ERBB4: variants seen among roughly 807,000 people sequenced by gnomAD.
ERBB4 encodes the protein receptor tyrosine-protein kinase erbB-4.
In ERBB4, 42 loss-of-function variants were observed where a neutral mutation model predicts 158.0. The ratio of observed to expected loss-of-function variants is 0.27; its 90% CI spans 0.21 to 0.34. The LOEUF (loss-of-function observed/expected upper bound fraction) is 0.34, where lower values mean the gene tolerates loss of function less well. Among genes scored for constraint, ERBB4 ranks in the 10% least tolerant of loss-of-function variants. The probability of loss-of-function intolerance (pLI) is 1.00; values close to 1 mark genes in which losing one functional copy is unlikely to be tolerated. For missense variants in ERBB4, 1,333 were observed against 1,624.1 expected, an observed-to-expected ratio of 0.82 and a Z score of 3.08; for synonymous variants, 583 against 558.7, an observed-to-expected ratio of 1.04 and a Z score of -0.61.
At chr2:211,598,888 G>A (rs878959939) in intron 19 of ERBB4, among the ~76,000 whole-genome samples, 5 of 152,020 alleles carry the variant, frequency 3.3e-5, no homozygotes, top group Admixed American at 1.3e-4. Flanking sequence ...TTTGAGTAAC[G>A]TCACTTGGCA....
intron 20 of ERBB4, among the ~76,000 whole-genome samples, chr2:211,447,362 T>C (rs2064137302): frequency 6.6e-6 from 1 of 151,968 alleles, no homozygotes; most frequent in Admixed American, 6.6e-5. Flanking sequence ...TGTCATTAAG[T>C]CCTACTGTTT....
intron 3 of ERBB4, among the ~76,000 whole-genome samples, chr2:211,887,867 T>C (rs532815865): frequency 6.6e-4 from 100 of 152,340 alleles, no homozygotes; most frequent in African/African-American, 2.1e-3. Context: ...TTCAACCACC[T>C]GGCACATTAT....
chr2:212,449,154 T>C (rs899857848), intron 1 of ERBB4, among the ~76,000 whole-genome samples: 1 of 152,186 alleles, frequency 6.6e-6, no homozygotes, highest in South Asian at 2.1e-4. Context: ...TTCTTCTTTA[T>C]CATGGAATAG....
At chr2:212,407,031 G>C (rs72933177) in intron 1 of ERBB4, among the ~76,000 whole-genome samples, 2,907 of 152,046 alleles carry the variant, frequency 0.019, 49 homozygotes, top group Non-Finnish European at 0.03. Context: ...TCTTCATTTG[G>C]AAGCCTTTCC....
chr2:211,878,018 G>A (rs1216046071), intron 3 of ERBB4, among the ~76,000 whole-genome samples: 1 of 152,204 alleles, frequency 6.6e-6, no homozygotes, highest in Non-Finnish European at 1.5e-5. Flanking sequence ...TGAGGAAGCA[G>A]AATATCTTGA....
Position 211,832,418 on chromosome 2 carries a change from T to TAA in ERBB4, c.422-44261_422-44260dup, listed in dbSNP as rs1193350339. Among the ~76,000 whole-genome samples the TAA allele has an allele frequency of 7.2e-5, 11 of 152,218 alleles. No individual in the cohort carries two copies. In the South Asian group the frequency reaches 2.3e-3, roughly 32 times the overall value. ...TTTTCTCTTTAAGAACTGTCACAAA[T>TAA]AAAATGATTCTATTTATGTATTAGC... On this transcript the variant is annotated intron_variant, in intron 3 of 27. Transcript: ENST00000342788.
In ERBB4 at chr2:211,381,257, A is replaced by G. The variant is rs776346008; in HGVS notation, c.*2358T>C. The G allele has an allele frequency of 1.3e-5, 3 of 232,070 alleles. No homozygotes were observed. The highest frequency in any genetic ancestry group is 6.1e-5 in the East Asian group (1 of 16,436). The allele number at this position is 232,070 out of a possible 1,614,324, so 14.4% of individuals were successfully genotyped here. ...ATAGCTTAGAAAAAAACCAACTCCA[A>G]TGTCTCCAATATTCTTGGCCAAGGA... On this transcript the variant is annotated 3_prime_UTR_variant, in exon 28 of 28. Coordinates refer to ENST00000342788, the MANE Select transcript of ERBB4 (RefSeq NM_005235.3).
intron 1 of ERBB4, among the ~76,000 whole-genome samples, chr2:212,439,157 G>T (rs1014131249): frequency 1.3e-5 from 2 of 152,078 alleles, no homozygotes; most frequent in African/African-American, 4.8e-5. Flanking sequence ...GTGTGTACAA[G>T]TCCTTGCTGA....
intron 1 of ERBB4, among the ~76,000 whole-genome samples, chr2:212,343,176 C>T (rs559214689): frequency 3.7e-4 from 57 of 152,186 alleles, no homozygotes; most frequent in East Asian, 9.6e-4. Context: ...TTCCTTGACC[C>T]GCTGCTTAGG....
At chr2:211,913,619 A>ATGTG (rs34762084) in intron 3 of ERBB4, among the ~76,000 whole-genome samples, 2,171 of 132,668 alleles carry the variant, frequency 0.016, 38 homozygotes, top group African/African-American at 0.049. Flanking sequence ...ATATATATAT[A>ATGTG]TGTGTGTGTG....
At chr2:211,939,729 C>T (rs923161278) in intron 3 of ERBB4, among the ~76,000 whole-genome samples, 2 of 152,020 alleles carry the variant, frequency 1.3e-5, no homozygotes, top group African/African-American at 2.4e-5. Flanking sequence ...GGGCGGATCA[C>T]GAGGTCAGGA....
chr2:211,468,359 T>G (rs1054948760), intron 20 of ERBB4, among the ~76,000 whole-genome samples: 3 of 152,120 alleles, frequency 2.0e-5, no homozygotes, highest in Non-Finnish European at 2.9e-5. Context: ...TGTGCCTTTA[T>G]GAAAGGGAAA....
At chr2:212,454,794 G>A (rs1384777092) in intron 1 of ERBB4, among the ~76,000 whole-genome samples, 1 of 152,002 alleles carries the variant, frequency 6.6e-6, no homozygotes, top group Non-Finnish European at 1.5e-5. Context: ...TTCACTCTAG[G>A]TCTGTTTCCA....
chr2:211,441,854 C>G (rs1357527374), intron 20 of ERBB4, among the ~76,000 whole-genome samples: 1 of 152,132 alleles, frequency 6.6e-6, no homozygotes, highest in African/African-American at 2.4e-5. Flanking sequence ...AACAAACAGT[C>G]TCCTTAAAAA....
At chr2:212,181,165 T>G (rs1467340568) in intron 1 of ERBB4, among the ~76,000 whole-genome samples, 5 of 151,714 alleles carry the variant, frequency 3.3e-5, no homozygotes, top group African/African-American at 1.2e-4. Flanking sequence ...CACCTGCCTT[T>G]GACCACTCTT....
chr2:212,057,294 C>T (rs1480988680), intron 2 of ERBB4, among the ~76,000 whole-genome samples: 1 of 152,142 alleles, frequency 6.6e-6, no homozygotes, highest in Non-Finnish European at 1.5e-5. Context: ...TCCTTACAGA[C>T]CTAGAAACAG....
At chr2:212,369,622 C>A (rs2888090) in intron 1 of ERBB4, among the ~76,000 whole-genome samples, 1 of 152,000 alleles carries the variant, frequency 6.6e-6, no homozygotes, top group Non-Finnish European at 1.5e-5. Context: ...TTACTTTAAT[C>A]CATCAGAGAT....
At chr2:212,357,555 AC>A (rs1273642573) in intron 1 of ERBB4, among the ~76,000 whole-genome samples, 2 of 151,922 alleles carry the variant, frequency 1.3e-5, no homozygotes, top group East Asian at 3.9e-4. Flanking sequence ...AAAACATGTC[AC>A]CTTTCTTTTT....
chr2:211,423,008 T>C (rs1169276540), intron 23 of ERBB4, among the ~76,000 whole-genome samples: 1 of 151,942 alleles, frequency 6.6e-6, no homozygotes, highest in African/African-American at 2.4e-5. Context: ...ATTTTTTGGG[T>C]GTCATTTTAT....
Sources: allele counts gnomAD v4.1 joint callset (sites outside exome capture counted in the v4.1 genomes callset), GRCh38; gene constraint gnomAD v4.1.1; transcripts MANE v1.5; gene names NCBI Gene and HGNC (gene_info 2026-07-23, HGNC 2026-07-21).